The following DOCK8 variants were observed in gnomAD, a reference collection of about 807,000 sequenced individuals.
DOCK8 encodes dedicator of cytokinesis protein 8.
Under a neutral mutation model 245.6 loss-of-function variants are expected in DOCK8, and 141 were observed. The observed-to-expected ratio is 0.57, with a 90% CI of 0.50 to 0.66. DOCK8 has a LOEUF of 0.66. Among genes scored for constraint, DOCK8 ranks in the 30% least tolerant of loss-of-function variants. DOCK8 has a pLI of 0.00. For synonymous variants in DOCK8, 1,168 were observed against 970.2 expected, an observed-to-expected ratio of 1.20 and a Z score of -3.79; for missense variants, 2,965 against 2,603.4, an observed-to-expected ratio of 1.14 and a Z score of -3.02.
intron 43 of DOCK8, among the ~76,000 whole-genome samples, chr9:444,636 C>G (rs1411200673): frequency 6.6e-6 from 1 of 152,144 alleles, no homozygotes; most frequent in Non-Finnish European, 1.5e-5. Context: ...TCATCCAGTT[C>G]CTACCCTGTA....
chr9:290,284 A>G (rs1479658461), intron 4 of DOCK8, among the ~76,000 whole-genome samples: 7 of 150,728 alleles, frequency 4.6e-5, no homozygotes, highest in Admixed American at 2.6e-4. Context: ...TTTTTTTGCG[A>G]TTTTTTTAAA....
At chr9:375,636 C>A (rs755009166) in intron 18 of DOCK8, among the ~76,000 whole-genome samples, 1 of 152,140 alleles carries the variant, frequency 6.6e-6, no homozygotes. Context: ...CCGTTCAGCC[C>A]TCTTCTCACA....
At position 377,121 on chromosome 9, in the gene DOCK8, C is replaced by T. The variant is rs1251716138; in HGVS notation, c.2350C>T (p.Arg784Cys). The change falls in exon 20 of 48, where the codon CGC becomes TGC. Residue 784 changes from arginine (R) to cysteine (C), a missense_variant. Arg to Cys is a radical substitution (Grantham distance 180). Around this residue, in one of 3 missense-constraint regions of DOCK8, gnomAD observed 2,825 missense variants for 2,453.5 expected, o/e 1.15. Transcript: ENST00000432829. ...KLSIICLNSS[R>C]LEPLVLFLHL... ...CAGCATCATCTGCCTGAACTCCTCC[C>T]GCCTGGAGCCGCTCGTGCTCTTCCT... 8.1e-6 allele frequency: 13 copies of T among 1,610,146 alleles called. No homozygotes were observed. The highest frequency in any genetic ancestry group is 2.7e-5 in the African/African-American group (2 of 74,908).
chr9:412,744 C>G (rs1326775361), intron 28 of DOCK8, among the ~76,000 whole-genome samples: 1 of 152,028 alleles, frequency 6.6e-6, no homozygotes, highest in Non-Finnish European at 1.5e-5. Context: ...TGACAAAACA[C>G]TGTTGAAAGA....
intron 14 of DOCK8, chr9:366,229 G>T (rs747052194): frequency 1.3e-5 from 2 of 153,312 alleles, no homozygotes; most frequent in Non-Finnish European, 2.9e-5. Flanking sequence ...GAAGCTCATT[G>T]AGTATTGTCA....
chr9:288,718 CT>C (rs2048924126), intron 3 of DOCK8, among the ~76,000 whole-genome samples: 2 of 152,258 alleles, frequency 1.3e-5, no homozygotes, highest in South Asian at 4.1e-4. Flanking sequence ...GAGTGACTGG[CT>C]TATGGTCACA....
Position 406,999 on chromosome 9 carries a change from C to T in DOCK8, c.3460C>T (p.Arg1154Cys), listed in dbSNP as rs34390308. 3,010 of 1,614,128 alleles carry T rather than the reference C, an allele frequency of 1.9e-3. 16 individuals carry two copies. The highest frequency in any genetic ancestry group is 8.2e-3 in the Middle Eastern group (50 of 6,062). The part of the protein sequence containing the change: ...ASMFDLTSEY[R>C]QQHFLTGLLF... Reference sequence around the variant, plus strand: ...CATGTTCGATCTGACTTCCGAGTACCGCCAGCAGCACTTCCTCACCGGGCT... The same window carrying T: ...CATGTTCGATCTGACTTCCGAGTACTGCCAGCAGCACTTCCTCACCGGGCT... The change falls in exon 28 of 48, where the codon CGC (arginine) becomes TGC (cysteine). Residue 1154 changes from arginine (R) to cysteine (C), a missense_variant. Arg to Cys is a radical substitution (Grantham distance 180). Around this residue, in one of 3 missense-constraint regions of DOCK8, gnomAD observed 2,825 missense variants for 2,453.5 expected, o/e 1.15. Coordinates refer to ENST00000432829, the MANE Select transcript of DOCK8 (RefSeq NM_203447.4).
chr9:443,518 T>C lies in DOCK8; in HGVS notation c.5580+2T>C. 1.9e-6 allele frequency: 3 copies of C among 1,613,204 alleles called. No homozygotes were observed. The highest frequency in any genetic ancestry group is 2.5e-6 in the Non-Finnish European group (3 of 1,179,328). On this transcript the variant is annotated splice_donor_variant, in intron 43 of 47. Coordinates refer to ENST00000432829, the MANE Select transcript of DOCK8 (RefSeq NM_203447.4). LOFTEE classifies it high-confidence loss of function. The stretch of plus-strand genomic sequence containing the variant: ...AAAACCAAGTTGGATCCTAACAAGG[T>C]ATACAAAAATTTACAAAAACTAACC...
At chr9:314,093 C>A (rs1399574570) in intron 6 of DOCK8, among the ~76,000 whole-genome samples, 3 of 152,202 alleles carry the variant, frequency 2.0e-5, no homozygotes, top group Non-Finnish European at 2.9e-5. Context: ...CTACAAAGTT[C>A]GTGTTCCCTT....
In DOCK8 at chr9:286,567, A is replaced by G; in HGVS notation, c.263A>G (p.Asp88Gly). Residue 88 changes from aspartate to glycine, a missense_variant, in exon 3 of 48, where the codon GAT (aspartate) becomes GGT (glycine). Around this residue, in one of 3 missense-constraint regions of DOCK8, gnomAD observed 2,825 missense variants for 2,453.5 expected, o/e 1.15. Transcript: ENST00000432829. ...QLAQELGDFT[D>G]DDLDVVFTPK... ...GCCCAGGAGCTCGGGGACTTCACTG[A>G]TGACGACTTGGACGTGGTGTTCACG... is the stretch of plus-strand genomic sequence containing the variant. 1.2e-6 allele frequency: 2 copies of G among 1,613,964 alleles called. No homozygotes were observed. The highest frequency in any genetic ancestry group is 1.7e-4 in the Middle Eastern group (1 of 6,060).
intron 44 of DOCK8, among the ~76,000 whole-genome samples, chr9:447,835 C>A (rs2057311770): frequency 6.6e-6 from 1 of 152,170 alleles, no homozygotes; most frequent in Non-Finnish European, 1.5e-5. Context: ...GTAACCACAT[C>A]AGGGTGTGGC....
intron 21 of DOCK8, among the ~76,000 whole-genome samples, chr9:381,858 G>A (rs1399964343): frequency 3.9e-5 from 6 of 152,058 alleles, no homozygotes; most frequent in Non-Finnish European, 8.8e-5. Flanking sequence ...TACTCGGGAA[G>A]CTGAGGCAAG....
At chr9:211,664 C>T (rs2046621588), upstream of DOCK8, among the ~76,000 whole-genome samples, 1 of 151,834 alleles carries the variant, frequency 6.6e-6, no homozygotes, top group Non-Finnish European at 1.5e-5. Context: ...CTGAAGGACA[C>T]AGGAGGAAAA....
At chr9:400,634 ACCT>A (rs2054910091) in intron 26 of DOCK8, among the ~76,000 whole-genome samples, 1 of 111,194 alleles carries the variant, frequency 9.0e-6, no homozygotes, top group East Asian at 2.8e-4. Context: ...CATCACCACC[ACCT>A]CCACCATCAC....
chr9:297,057 T>C lies in DOCK8; in HGVS notation c.404+7476T>C, dbSNP rs139671933. Among the ~76,000 whole-genome samples the C allele has an allele frequency of 1.8e-3, 278 of 152,258 alleles. 3 individuals are homozygous for C. The highest frequency in any genetic ancestry group is 3.3e-3 in the Non-Finnish European group (225 of 68,014). ...TACCCCAAGGCATGGAGGGCTGCCT[T>C]GTTCTGATGCACCTTATGATTTTAG... On this transcript the variant is annotated intron_variant, in intron 4 of 47. Transcript: ENST00000432829.
chr9:247,995 AAG>A (rs2047547648), intron 1 of DOCK8, among the ~76,000 whole-genome samples: 1 of 151,902 alleles, frequency 6.6e-6, no homozygotes, highest in East Asian at 1.9e-4. Flanking sequence ...AAAAAAAAAA[AAG>A]AAACAAAGTT....
intron 18 of DOCK8, among the ~76,000 whole-genome samples, chr9:374,541 A>G (rs1389983731): frequency 3.6e-5 from 5 of 137,440 alleles, no homozygotes; most frequent in African/African-American, 5.4e-5. Flanking sequence ...AGCTCACTGT[A>G]ATCTTGAACT....
At chr9:267,387 G>A (rs1231585661) in intron 1 of DOCK8, among the ~76,000 whole-genome samples, 2 of 152,212 alleles carry the variant, frequency 1.3e-5, no homozygotes, top group Non-Finnish European at 2.9e-5. Flanking sequence ...TGTATTTTTT[G>A]TAGAGACTGG....
intron 4 of DOCK8, among the ~76,000 whole-genome samples, chr9:293,825 A>G (rs2049144574): frequency 6.6e-6 from 1 of 152,240 alleles, no homozygotes; most frequent in Non-Finnish European, 1.5e-5. Context: ...TTAGTGATTA[A>G]TTATTTAGCT....
Sources: allele counts gnomAD v4.1 joint callset (sites outside exome capture counted in the v4.1 genomes callset), GRCh38; gene constraint gnomAD v4.1.1; regional missense constraint gnomAD v4.1.1; transcripts MANE v1.5; gene names NCBI Gene and HGNC (gene_info 2026-07-23, HGNC 2026-07-21).